CPQ: variants seen among roughly 807,000 people sequenced by gnomAD.
CPQ encodes Ser-Met dipeptidase.
In CPQ, 37 loss-of-function variants were observed where a neutral mutation model predicts 45.7. The ratio of observed to expected loss-of-function variants is 0.81; its 90% CI spans 0.62 to 1.07. The LOEUF (loss-of-function observed/expected upper bound fraction) is 1.07. Ranked by LOEUF, CPQ falls within the 50% of genes least tolerant of loss-of-function variation. CPQ has a pLI of 0.00. For synonymous variants in CPQ, 186 were observed against 205.8 expected, an observed-to-expected ratio of 0.90 and a Z score of 0.82; for missense variants, 537 against 572.9, an observed-to-expected ratio of 0.94 and a Z score of 0.64.
At chr8:96,740,243 TC>T (rs1181510177) in intron 1 of CPQ, among the ~76,000 whole-genome samples, 13 of 152,204 alleles carry the variant, frequency 8.5e-5, no homozygotes, top group Non-Finnish European at 4.4e-5. Context: ...GGGAGTTCAC[TC>T]ATGATTTGGC....
chr8:96,683,198 G>C (rs1809175113), intron 1 of CPQ, among the ~76,000 whole-genome samples: 1 of 152,038 alleles, frequency 6.6e-6, no homozygotes, highest in Non-Finnish European at 1.5e-5. Context: ...TTCCTGCAGG[G>C]CTGATCTAGT....
chr8:96,973,439 CA>C (rs1022441865), intron 5 of CPQ, among the ~76,000 whole-genome samples: 1 of 152,126 alleles, frequency 6.6e-6, no homozygotes, highest in African/African-American at 2.4e-5. Flanking sequence ...GTCTGAAAAA[CA>C]TATTTGTTAG....
chr8:96,988,041 A>G (rs1330605714), intron 5 of CPQ, among the ~76,000 whole-genome samples: 1 of 152,172 alleles, frequency 6.6e-6, no homozygotes, highest in Non-Finnish European at 1.5e-5. Context: ...AAAATGTGTG[A>G]GATTAGTTGA....
chr8:96,773,854 G>T (rs1040011986), intron 1 of CPQ, among the ~76,000 whole-genome samples: 5 of 152,158 alleles, frequency 3.3e-5, no homozygotes, highest in Non-Finnish European at 7.4e-5. Flanking sequence ...AGAAGAGCAA[G>T]AGAGTGCTTC....
At chr8:97,142,617 A>C (rs1015237466) in intron 7 of CPQ, among the ~76,000 whole-genome samples, 2 of 152,238 alleles carry the variant, frequency 1.3e-5, no homozygotes, top group Non-Finnish European at 2.9e-5. Context: ...CCCTTATATC[A>C]CAGGAAATCC....
chr8:96,873,201 G>T (rs1812100694), intron 3 of CPQ, among the ~76,000 whole-genome samples: 3 of 151,760 alleles, frequency 2.0e-5, no homozygotes, highest in African/African-American at 7.2e-5. Flanking sequence ...ATATGGAATA[G>T]AATTCAATAA....
In CPQ at chr8:96,871,216, C is replaced by T. The variant is rs568822274; in HGVS notation, c.642-8582C>T. On this transcript the variant is annotated intron_variant, in intron 3 of 7. Transcript: ENST00000220763. ...AGAAGACTAAAATATGTGTCTATTGCCTCAAAGGCAGAGAAGAGGTACACA... is the reference window on the plus strand; with the variant it reads ...AGAAGACTAAAATATGTGTCTATTGTCTCAAAGGCAGAGAAGAGGTACACA... 3.9e-5 allele frequency among the ~76,000 whole-genome samples: 6 copies of T among 152,012 alleles called. No homozygotes were observed. In the South Asian group the frequency reaches 1.2e-3, roughly 32 times the overall value.
At chr8:96,730,040 A>G (rs192573338) in intron 1 of CPQ, among the ~76,000 whole-genome samples, 65 of 152,296 alleles carry the variant, frequency 4.3e-4, no homozygotes, top group Admixed American at 2.5e-3. Flanking sequence ...TACAGGGAGG[A>G]CCTTCGAAAA....
At chr8:96,651,264 A>G (rs867543765) in intron 1 of CPQ, among the ~76,000 whole-genome samples, 2 of 152,220 alleles carry the variant, frequency 1.3e-5, no homozygotes, top group Non-Finnish European at 2.9e-5. Flanking sequence ...TGAGTCTGAC[A>G]GTTAGACCAC....
chr8:96,855,534 T>A (rs892578683), intron 3 of CPQ, among the ~76,000 whole-genome samples: 2 of 152,158 alleles, frequency 1.3e-5, no homozygotes, highest in Admixed American at 1.3e-4. Context: ...AGGTCTTAAT[T>A]CAAATATCAC....
chr8:96,812,709 G>C (rs1394683114), intron 2 of CPQ, among the ~76,000 whole-genome samples: 1 of 151,944 alleles, frequency 6.6e-6, no homozygotes, highest in Non-Finnish European at 1.5e-5. Flanking sequence ...TAAAATCCTG[G>C]AGCGGCAGGC....
chr8:97,028,509 A>G lies in CPQ; in HGVS notation c.962-894A>G, dbSNP rs1297248974. On this transcript the variant is annotated intron_variant, in intron 5 of 7. Coordinates refer to ENST00000220763, the MANE Select transcript of CPQ (RefSeq NM_016134.4). Reference sequence around the variant, plus strand: ...CTTAATAAGATTTAAGCACAGCTTCACATTTTTCTGTCTTTGTTATTTCTC... The same window carrying G: ...CTTAATAAGATTTAAGCACAGCTTCGCATTTTTCTGTCTTTGTTATTTCTC... 1.3e-5 allele frequency among the ~76,000 whole-genome samples: 2 copies of G among 152,244 alleles called. 1 individual carries two copies. The highest frequency in any genetic ancestry group is 4.8e-5 in the African/African-American group (2 of 41,466).
In CPQ at chr8:96,779,555, C is replaced by T. The variant is rs559605392; in HGVS notation, c.-34-5309C>T. ...GAATCAAAACACAGGTCTTGATTAA[C>T]TTTCTATAAAGCAAGGATATGGACT... On this transcript the variant is annotated intron_variant, in intron 1 of 7. Transcript: ENST00000220763. Among the ~76,000 whole-genome samples, 174 of 152,226 alleles carry T rather than the reference C, an allele frequency of 1.1e-3. 2 individuals are homozygous for T. Among genetic ancestry groups the T allele is most frequent in the African/African-American group, 4.0e-3 (165 of 41,552 alleles).
intron 3 of CPQ, among the ~76,000 whole-genome samples, chr8:96,862,732 A>T (rs1361553953): frequency 1.2e-4 from 18 of 152,128 alleles, no homozygotes; most frequent in Non-Finnish European, 2.9e-5. Flanking sequence ...TTAGCTGGAA[A>T]CATGACTGTC....
At chr8:96,667,745 C>T (rs1382550077) in intron 1 of CPQ, among the ~76,000 whole-genome samples, 1 of 152,104 alleles carries the variant, frequency 6.6e-6, no homozygotes, top group Non-Finnish European at 1.5e-5. Context: ...CCCGAAATCC[C>T]CTTCTTTGCT....
At chr8:96,716,636 A>G (rs1212900241) in intron 1 of CPQ, among the ~76,000 whole-genome samples, 1 of 152,130 alleles carries the variant, frequency 6.6e-6, no homozygotes, top group African/African-American at 2.4e-5. Context: ...AGCTAGGTGC[A>G]GTGGCTCATG....
intron 2 of CPQ, among the ~76,000 whole-genome samples, chr8:96,785,804 A>G (rs1810761047): frequency 6.6e-6 from 1 of 152,148 alleles, no homozygotes; most frequent in African/African-American, 2.4e-5. Context: ...GTTGAGTTCT[A>G]CCTTTACTTA....
rs1276293512 is a variant in CPQ, at chr8:97,122,995, A to AAT, written c.1256-20023_1256-20022dup. Among the ~76,000 whole-genome samples the AAT allele has an allele frequency of 5.4e-5, 4 of 74,386 alleles. 1 individual carries two copies. The highest frequency in any genetic ancestry group is 3.7e-4 in the East Asian group (1 of 2,702). The allele number at this position is 74,386 out of a possible 152,430, so 48.8% of individuals were successfully genotyped here. On this transcript the variant is annotated intron_variant, in intron 7 of 7. Transcript: ENST00000220763. ...ATAAAATAAAATTAAAATAAAATAA[A>AAT]ATAAAATATAAAATAAAATAAAATA...
At chr8:96,675,633 A>G (rs1352589805) in intron 1 of CPQ, among the ~76,000 whole-genome samples, 1 of 152,098 alleles carries the variant, frequency 6.6e-6, no homozygotes, top group Non-Finnish European at 1.5e-5. Flanking sequence ...ACTCTTCTCC[A>G]TAGAAATTGT....
Sources: gnomAD v4.1 joint callset for allele counts (sites outside exome capture counted in the v4.1 genomes callset) on GRCh38, gnomAD v4.1.1 for gene constraint, MANE v1.5 for transcripts, NCBI Gene and HGNC (gene_info 2026-07-23, HGNC 2026-07-21) for gene names.